Variants in ZNF367 observed in about 807,000 individuals in gnomAD.
ZNF367 encodes C2H2 zinc finger protein ZFF29.
In ZNF367, 11 loss-of-function variants were observed where a neutral mutation model predicts 31.8. The ratio of observed to expected loss-of-function variants is 0.35; its 90% CI spans 0.22 to 0.57. The LOEUF (loss-of-function observed/expected upper bound fraction) is 0.57. Ranked by LOEUF, ZNF367 falls within the 20% of genes least tolerant of loss-of-function variation. ZNF367 has a pLI of 0.85. For missense variants in ZNF367, 353 were observed against 484.1 expected (o/e 0.73, Z 2.54); for synonymous variants, 199 against 202.4 (o/e 0.98, Z 0.14).
intron 4 of ZNF367, among the ~76,000 whole-genome samples, chr9:96,389,254 C>T (rs1285542370): frequency 6.7e-6 from 1 of 149,554 alleles, no homozygotes; most frequent in Non-Finnish European, 1.5e-5. Flanking sequence ...AAGCTGAAGT[C>T]GGGCCGCTGC....
intron 1 of ZNF367, among the ~76,000 whole-genome samples, chr9:96,416,547 T>C (rs932491771): frequency 6.6e-6 from 1 of 152,252 alleles, no homozygotes; most frequent in Non-Finnish European, 1.5e-5. Context: ...TCCTTGTGAC[T>C]GCATGTAAAA....
intron 1 of ZNF367, among the ~76,000 whole-genome samples, chr9:96,400,616 T>C (rs908443033): frequency 6.6e-6 from 1 of 150,550 alleles, no homozygotes; most frequent in Non-Finnish European, 1.5e-5. Context: ...ATCAGCCAAC[T>C]TGAAGATAGG....
chr9:96,413,515 G>A (rs1831780025), intron 1 of ZNF367, among the ~76,000 whole-genome samples: 1 of 152,162 alleles, frequency 6.6e-6, no homozygotes, highest in Non-Finnish European at 1.5e-5. Flanking sequence ...CCTGTAGGGT[G>A]AATAGTATCT....
At position 96,388,233 on chromosome 9, in the gene ZNF367, C is replaced by T; in HGVS notation, c.*4G>A. 1.9e-6 allele frequency: 3 copies of T among 1,608,698 alleles called. No individual in the cohort carries two copies. Among genetic ancestry groups the T allele is most frequent in the Non-Finnish European group, 2.5e-6 (3 of 1,178,486 alleles). ...TTTGTACAGTGGAAGAGTCAGTGTCCAAGCTACTGTCGGAGTGGCGCCCCA... is the reference window on the plus strand; with the variant it reads ...TTTGTACAGTGGAAGAGTCAGTGTCTAAGCTACTGTCGGAGTGGCGCCCCA... On this transcript the variant is annotated 3_prime_UTR_variant, in exon 5 of 5. Transcript: ENST00000375256.
chr9:96,397,776 A>G (rs747399050), intron 2 of ZNF367, among the ~76,000 whole-genome samples: 1 of 152,128 alleles, frequency 6.6e-6, no homozygotes, highest in Non-Finnish European at 1.5e-5. Flanking sequence ...TTATTACTCA[A>G]TATCAAATCA....
chr9:96,392,336 C>T, intron 4 of ZNF367, 62 bp downstream of exon 4: 1 of 1,611,536 alleles, frequency 6.2e-7, no homozygotes, highest in Admixed American at 1.7e-5. Flanking sequence ...TGTCCAGGTC[C>T]CTGACATAGC....
chr9:96,396,543 T>C (rs985846602), intron 2 of ZNF367, among the ~76,000 whole-genome samples: 2 of 151,784 alleles, frequency 1.3e-5, no homozygotes, highest in Admixed American at 1.3e-4. Context: ...ACCATAAACA[T>C]GGTGGAAAAA....
intron 1 of ZNF367, among the ~76,000 whole-genome samples, chr9:96,406,247 A>G (rs1287426293): frequency 1.3e-5 from 2 of 152,266 alleles, no homozygotes; most frequent in Non-Finnish European, 2.9e-5. Context: ...TAAAATGAAG[A>G]TGCTTTTAGG....
rs770071291 is a variant in ZNF367 at position 96,394,962 on chromosome 9, A to G, written c.572-20T>C. Reference sequence around the variant, plus strand: ...TCTCACCTAAGTAGACAGATGTTAGATATTATATCTGAGATAATAAGGCCA... The same window carrying G: ...TCTCACCTAAGTAGACAGATGTTAGGTATTATATCTGAGATAATAAGGCCA... On this transcript the variant is annotated intron_variant, in intron 2 of 4. Coordinates refer to ENST00000375256, the MANE Select transcript of ZNF367 (RefSeq NM_153695.4). 3 of 1,612,992 alleles carry G rather than the reference A, an allele frequency of 1.9e-6. No homozygotes were observed. Among genetic ancestry groups the G allele is most frequent in the Non-Finnish European group, 2.5e-6 (3 of 1,179,312 alleles).
At chr9:96,402,448 T>C (rs1468604580) in intron 1 of ZNF367, among the ~76,000 whole-genome samples, 91 of 115,564 alleles carry the variant, frequency 7.9e-4, no homozygotes, top group Non-Finnish European at 1.0e-3. Flanking sequence ...TTCTTTCTTT[T>C]TTTTTTTTTT....
chr9:96,407,742 T>C, intron 1 of ZNF367: 2 of 1,383,880 alleles, frequency 1.4e-6, no homozygotes, highest in Non-Finnish European at 2.0e-6. Flanking sequence ...ACGTGTGCTT[T>C]GTTGGAGATG....
chr9:96,413,844 C>G (rs1831783155), intron 1 of ZNF367, among the ~76,000 whole-genome samples: 1 of 152,122 alleles, frequency 6.6e-6, no homozygotes. Context: ...ACGCTGACAC[C>G]TCCCCTGGGA....
chr9:96,415,444 G>A (rs1175874149), intron 1 of ZNF367, among the ~76,000 whole-genome samples: 5 of 133,176 alleles, frequency 3.8e-5, no homozygotes, highest in African/African-American at 1.1e-4. Flanking sequence ...GTAATACTCA[G>A]CAATACTATC....
intron 1 of ZNF367, among the ~76,000 whole-genome samples, chr9:96,411,122 G>A (rs909298637): frequency 2.0e-5 from 3 of 151,408 alleles, no homozygotes; most frequent in Non-Finnish European, 2.9e-5. Flanking sequence ...AGGCCAAGGC[G>A]GCAGTGAGCC....
At chr9:96,415,478 CATTTTTTTTTTTTTTT>C (rs1221046439) in intron 1 of ZNF367, among the ~76,000 whole-genome samples, 1,596 of 65,542 alleles carry the variant, frequency 0.024, 82 homozygotes, top group African/African-American at 0.087. Context: ...TTAGTTTCTT[CATTTTTTTTTTTTTTT>C]TTTTTTTTTT....
chr9:96,408,142 C>T (rs1033650824), intron 1 of ZNF367, among the ~76,000 whole-genome samples: 6 of 152,006 alleles, frequency 3.9e-5, no homozygotes, highest in African/African-American at 1.2e-4. Context: ...AGCACACCAA[C>T]ATGGCACATG....
chr9:96,412,390 A>G (rs995973345), intron 1 of ZNF367, among the ~76,000 whole-genome samples: 1 of 152,236 alleles, frequency 6.6e-6, no homozygotes, highest in African/African-American at 2.4e-5. Flanking sequence ...AAAAAACCTA[A>G]AAGTCCTTGA....
chr9:96,417,645 C>T lies in ZNF367; in HGVS notation c.388G>A (p.Glu130Lys). 1.1e-6 allele frequency: 1 copy of T among 887,804 alleles called. No homozygotes were observed. The highest frequency in any genetic ancestry group is 1.5e-6 in the Non-Finnish European group (1 of 680,662). 55.0% of individuals were successfully genotyped at this position (887,804 alleles called of 1,614,324 possible). The change falls in exon 1 of 5, where the codon GAA becomes AAA. Residue 130 changes from glutamate (E) to lysine (K), a missense_variant. Around this residue, in one of 5 missense-constraint regions of ZNF367, gnomAD observed 70 missense variants for 57.1 expected, o/e 1.23. Transcript: ENST00000375256. The surrounding 1 kb of genome is among the most constrained non-coding windows in gnomAD (Gnocchi z 5.0). ...TGGCCGCTGTCTGGGCTGCTCGCTTCCTCCTCGTCCTCACCTCCCGAGGCG... is the reference window on the plus strand; with the variant it reads ...TGGCCGCTGTCTGGGCTGCTCGCTTTCTCCTCGTCCTCACCTCCCGAGGCG... ...AAASGGEDEE[E>K]ASSPDSGHLK... is the part of the protein sequence containing the mutation.
At chr9:96,415,319 G>A (rs1831805822) in intron 1 of ZNF367, among the ~76,000 whole-genome samples, 2 of 149,264 alleles carry the variant, frequency 1.3e-5, no homozygotes, top group South Asian at 2.1e-4. Context: ...CGCCTGCCTC[G>A]GTGTCCCAAA....
Sources: gnomAD v4.1 joint callset for allele counts (sites outside exome capture counted in the v4.1 genomes callset) on GRCh38, gnomAD v4.1.1 for gene constraint, gnomAD v4.1.1 regional missense constraint, Gnocchi (gnomAD v3.1) non-coding constraint, MANE v1.5 for transcripts, NCBI Gene and HGNC (gene_info 2026-07-23, HGNC 2026-07-21) for gene names.